The following MCF2L2 variants were observed in gnomAD, a reference collection of about 807,000 sequenced individuals.
MCF2L2 encodes probable guanine nucleotide exchange factor MCF2L2.
MCF2L2 carries 102 observed loss-of-function variants against 150.2 expected under a neutral mutation model. The observed-to-expected ratio is 0.68, with a 90% CI of 0.58 to 0.80. The LOEUF (loss-of-function observed/expected upper bound fraction) is 0.80, where lower values mean the gene tolerates loss of function less well. MCF2L2 is among the 30% of genes least tolerant of loss of function. The pLI is 0.00. For synonymous variants in MCF2L2, 465 were observed against 491.3 expected (o/e 0.95, Z 0.71); for missense variants, 1,256 against 1,372.8 (o/e 0.91, Z 1.34).
At chr3:183,238,814 G>C (rs568406159) in intron 15 of MCF2L2, among the ~76,000 whole-genome samples, 4 of 150,808 alleles carry the variant, frequency 2.7e-5, no homozygotes, top group Non-Finnish European at 5.9e-5. Context: ...TGGCTAACAC[G>C]GTGAAACCCC....
In MCF2L2 at chr3:183,283,198, C is replaced by T. The variant is rs1727600638; in HGVS notation, c.1776+5922G>A. Among the ~76,000 whole-genome samples, 2 of 152,174 alleles carry T rather than the reference C, an allele frequency of 1.3e-5. No homozygotes were observed. Among genetic ancestry groups the T allele is most frequent in the Admixed American group, 1.3e-4 (2 of 15,258 alleles). On this transcript the variant is annotated intron_variant, in intron 14 of 29. Coordinates refer to ENST00000328913, the MANE Select transcript of MCF2L2 (RefSeq NM_015078.4). The surrounding 1 kb of genome is among the most constrained non-coding windows in gnomAD (Gnocchi z 4.2). ...TCAGTCAATGGGTATGATTTCTGCTCACCTCTTTTTGCCATAGCTATTAGT... is the reference window on the plus strand; with the variant it reads ...TCAGTCAATGGGTATGATTTCTGCTTACCTCTTTTTGCCATAGCTATTAGT...
intron 20 of MCF2L2, among the ~76,000 whole-genome samples, chr3:183,222,432 C>CT (rs924410322): frequency 6.6e-6 from 1 of 152,162 alleles, no homozygotes; most frequent in African/African-American, 2.4e-5. Flanking sequence ...TGCCTGTAAT[C>CT]TCAGCTACTT....
At chr3:183,273,081 T>C in intron 15 of MCF2L2, 1 of 1,416,720 alleles carries the variant, frequency 7.1e-7, no homozygotes. Flanking sequence ...ATAAAAGGGT[T>C]CCAACCTTTT....
chr3:183,361,921 T>C lies in MCF2L2; in HGVS notation c.275+17376A>G, dbSNP rs1209453028. Among the ~76,000 whole-genome samples, 3 of 152,214 alleles carry C rather than the reference T, an allele frequency of 2.0e-5. No individual in the cohort carries two copies. In the East Asian group the frequency reaches 5.8e-4, roughly 29 times the overall value. On this transcript the variant is annotated intron_variant, in intron 3 of 29. Transcript: ENST00000328913. The stretch of plus-strand genomic sequence containing the variant: ...ACATCTTTGCTTTCTGATGGATCAA[T>C]GTATACAAACTCTGTTTCATGCACA...
At position 183,289,131 on chromosome 3, in the gene MCF2L2, A is replaced by G; in HGVS notation, c.1765T>C (p.Phe589Leu). 6.2e-7 allele frequency: 1 copy of G among 1,612,250 alleles called. No homozygotes were observed. The highest frequency in any genetic ancestry group is 8.5e-7 in the Non-Finnish European group (1 of 1,178,346). Residue 589 changes from phenylalanine (F) to leucine (L), a missense_variant, in exon 14 of 30, where the codon TTT becomes CTT. Coordinates refer to ENST00000328913, the MANE Select transcript of MCF2L2 (RefSeq NM_015078.4). ...AAAGGTAATTTTACCTTGACTTCAA[A>G]TTTAGTCTCATCATCTTCCTTTCCC... ...SRGKEDDETK[F>L]EVKSEEIFES...
intron 17 of MCF2L2, 48 bp downstream of exon 17, chr3:183,229,618 C>T (rs1445500328): frequency 1.2e-6 from 1 of 857,002 alleles, no homozygotes; most frequent in Non-Finnish European, 1.9e-6. Context: ...CTCATTTCCA[C>T]CCTTCTCTTA....
At chr3:183,299,890 C>T in intron 11 of MCF2L2, 115 bp downstream of exon 11, 2 of 1,145,798 alleles carry the variant, frequency 1.7e-6, no homozygotes, top group African/African-American at 1.6e-5. Context: ...AACATCTTTT[C>T]ACATAAAGCA....
intron 3 of MCF2L2, among the ~76,000 whole-genome samples, chr3:183,367,219 C>A (rs894597489): frequency 2.0e-5 from 3 of 150,016 alleles, no homozygotes; most frequent in Admixed American, 2.0e-4. Flanking sequence ...TCTTTTCTTT[C>A]TTTCTTTCTT....
chr3:183,216,307 G>C (rs1199305787), intron 21 of MCF2L2, among the ~76,000 whole-genome samples: 2 of 150,778 alleles, frequency 1.3e-5, no homozygotes, highest in South Asian at 4.2e-4. Context: ...ATCTACCTCT[G>C]TGCATTGTAC....
At chr3:183,354,494 C>G (rs1553786739) in intron 3 of MCF2L2, among the ~76,000 whole-genome samples, 6 of 152,008 alleles carry the variant, frequency 3.9e-5, no homozygotes, top group Non-Finnish European at 1.5e-5. Context: ...CACCCCACCC[C>G]ACTTATCTTA....
At chr3:183,400,001 T>C (rs1714655754) in intron 1 of MCF2L2, among the ~76,000 whole-genome samples, 3 of 152,200 alleles carry the variant, frequency 2.0e-5, no homozygotes, top group Admixed American at 2.0e-4. Context: ...AGTAGTTATC[T>C]CATTGGTATA....
intron 3 of MCF2L2, among the ~76,000 whole-genome samples, chr3:183,363,123 C>A (rs968264232): frequency 6.6e-6 from 1 of 152,050 alleles, no homozygotes; most frequent in African/African-American, 2.4e-5. Flanking sequence ...TTAGAAAAAT[C>A]AAAATCCTAA....
chr3:183,209,679 G>A (rs1248421328), intron 22 of MCF2L2, among the ~76,000 whole-genome samples: 1 of 152,026 alleles, frequency 6.6e-6, no homozygotes, highest in East Asian at 1.9e-4. Flanking sequence ...AGTAGAGCCA[G>A]GGTTTCAGCA....
At chr3:183,205,293 C>G (rs1722433937) in intron 25 of MCF2L2, among the ~76,000 whole-genome samples, 1 of 152,138 alleles carries the variant, frequency 6.6e-6, no homozygotes, top group African/African-American at 2.4e-5. Context: ...AGGAGAATCA[C>G]TTGAACCTGG....
chr3:183,263,941 G>A (rs997145856), intron 15 of MCF2L2, among the ~76,000 whole-genome samples: 30 of 151,834 alleles, frequency 2.0e-4, no homozygotes, highest in South Asian at 8.3e-4. Context: ...CACCACCCTC[G>A]ACTAGGCCTT....
intron 15 of MCF2L2, among the ~76,000 whole-genome samples, chr3:183,263,578 T>G (rs972303305): frequency 6.6e-6 from 1 of 152,192 alleles, no homozygotes; most frequent in Non-Finnish European, 1.5e-5. Context: ...GGCCCATTGC[T>G]GTCTCTCCAC....
intron 14 of MCF2L2, among the ~76,000 whole-genome samples, chr3:183,278,930 G>A (rs924059438): frequency 1.3e-5 from 2 of 152,302 alleles, no homozygotes; most frequent in East Asian, 1.9e-4. Flanking sequence ...GCTGACATGT[G>A]TCAGATGGCT....
intron 3 of MCF2L2, among the ~76,000 whole-genome samples, chr3:183,367,225 T>TC (rs1197337705): frequency 1.3e-5 from 2 of 151,014 alleles, no homozygotes; most frequent in African/African-American, 4.9e-5. Flanking sequence ...CTTTCTTTCT[T>TC]TCTTTTTTTT....
intron 13 of MCF2L2, 125 bp downstream of exon 13, chr3:183,295,175 G>C (rs1261298038): frequency 6.4e-6 from 6 of 942,440 alleles, no homozygotes; most frequent in Non-Finnish European, 9.5e-6. Flanking sequence ...TGCTATATCT[G>C]TAGTTTGTTT....
Sources: allele counts gnomAD v4.1 joint callset (sites outside exome capture counted in the v4.1 genomes callset), GRCh38; gene constraint gnomAD v4.1.1; non-coding constraint Gnocchi (gnomAD v3.1); transcripts MANE v1.5; gene names NCBI Gene and HGNC (gene_info 2026-07-23, HGNC 2026-07-21).